Variants in TBC1D2B observed in about 807,000 individuals in gnomAD.
TBC1D2B encodes TBC1 domain family, member 2B.
A neutral mutation model predicts 100.8 loss-of-function variants in TBC1D2B; 64 were observed. The observed-to-expected ratio is 0.64, with a 90% CI of 0.52 to 0.78. TBC1D2B has a LOEUF of 0.78. Among genes scored for constraint, TBC1D2B ranks in the 30% least tolerant of loss-of-function variants. The probability of loss-of-function intolerance (pLI) is 0.00; values close to 1 mark genes in which losing one functional copy is unlikely to be tolerated. For missense variants in TBC1D2B, 1,052 were observed against 1,218.4 expected (o/e 0.86, Z 2.03); for synonymous variants, 480 against 479.7 (o/e 1.00, Z -0.01).
intron 3 of TBC1D2B, chr15:78,034,669 C>T (rs1164834902): frequency 1.0e-6 from 1 of 985,404 alleles, no homozygotes; most frequent in Non-Finnish European, 1.2e-6. Context: ...AAGCCTGAGT[C>T]GTACGCTGCC....
At chr15:78,053,813 C>A (rs191785022) in intron 2 of TBC1D2B, 114 of 482,724 alleles carry the variant, frequency 2.4e-4, no homozygotes, top group African/African-American at 2.1e-3. Flanking sequence ...TCGTATCTTC[C>A]ATATGCTTGG....
At chr15:78,022,508 C>A (rs2072540005) in intron 6 of TBC1D2B, among the ~76,000 whole-genome samples, 1 of 151,978 alleles carries the variant, frequency 6.6e-6, no homozygotes, top group Non-Finnish European at 1.5e-5. Context: ...CTAACCAAGA[C>A]CTCTTATTAA....
intron 1 of TBC1D2B, among the ~76,000 whole-genome samples, chr15:78,066,338 A>G (rs750034294): frequency 5.2e-4 from 79 of 152,204 alleles, no homozygotes; most frequent in Non-Finnish European, 1.0e-3. Flanking sequence ...CAGTTTAGTT[A>G]TTTCTAGTCC....
Position 78,024,149 on chromosome 15 carries a change from CT to C in TBC1D2B, c.1470+6del. The stretch of plus-strand genomic sequence containing the variant: ...GCCAATCACCAGAGCCCCTGCCCCA[CT>C]CTTACTTTCAGCCTGTCCAGTTCCA... On this transcript the variant is annotated splice_donor_region_variant and intron_variant, in intron 6 of 12. Transcript: ENST00000300584. 1 of 1,604,768 alleles carries C rather than the reference CT, an allele frequency of 6.2e-7. No individual in the cohort carries two copies.
At chr15:78,025,056 T>G (rs1352622116) in intron 5 of TBC1D2B, among the ~76,000 whole-genome samples, 1 of 152,100 alleles carries the variant, frequency 6.6e-6, no homozygotes, top group Non-Finnish European at 1.5e-5. Context: ...TCCTTGCAAA[T>G]GCAAACACCT....
chr15:78,012,672 T>G, intron 9 of TBC1D2B, 151 bp downstream of exon 9: 1 of 668,178 alleles, frequency 1.5e-6, no homozygotes, highest in Non-Finnish European at 2.2e-6. Flanking sequence ...CTGGGGATAT[T>G]GTGTAATGAA....
chr15:78,015,507 T>C (rs1230473724), intron 8 of TBC1D2B, among the ~76,000 whole-genome samples: 1 of 152,004 alleles, frequency 6.6e-6, no homozygotes, highest in East Asian at 1.9e-4. Flanking sequence ...ACACAGCACG[T>C]TTAGAAGCGC....
At chr15:78,034,825 T>A in intron 3 of TBC1D2B, 1 of 824,688 alleles carries the variant, frequency 1.2e-6, no homozygotes, top group Non-Finnish European at 1.5e-6. Context: ...TTTTTGCTCT[T>A]ATGTGGCAAA....
intron 1 of TBC1D2B, among the ~76,000 whole-genome samples, chr15:78,069,130 C>A (rs891738412): frequency 6.6e-6 from 1 of 152,202 alleles, no homozygotes; most frequent in Non-Finnish European, 1.5e-5. Context: ...TGGTCCACCC[C>A]CCTCAGACGT....
At chr15:78,029,940 TCCA>T (rs2072766525) in intron 4 of TBC1D2B, 64 bp downstream of exon 4, 1 of 1,347,590 alleles carries the variant, frequency 7.4e-7, no homozygotes, top group Non-Finnish European at 1.0e-6. Flanking sequence ...ATAATGTGTC[TCCA>T]CATCACTGGT....
At chr15:78,048,555 C>T (rs2073247685) in intron 2 of TBC1D2B, among the ~76,000 whole-genome samples, 1 of 152,148 alleles carries the variant, frequency 6.6e-6, no homozygotes, top group Non-Finnish European at 1.5e-5. Flanking sequence ...AGACCTCTGT[C>T]TTTTTTAAAC....
At chr15:78,016,320 C>T (rs527349522) in intron 8 of TBC1D2B, among the ~76,000 whole-genome samples, 9 of 151,348 alleles carry the variant, frequency 5.9e-5, no homozygotes, top group Admixed American at 4.6e-4. Flanking sequence ...CTTACTTACA[C>T]GAAAAATAGG....
chr15:78,061,062 A>G (rs1401374145), intron 1 of TBC1D2B, among the ~76,000 whole-genome samples: 1 of 149,288 alleles, frequency 6.7e-6, no homozygotes, highest in Non-Finnish European at 1.5e-5. Flanking sequence ...CCTGGGCAAT[A>G]TGGTAAAACC....
chr15:78,069,130 C>T (rs891738412), intron 1 of TBC1D2B, among the ~76,000 whole-genome samples: 1 of 152,202 alleles, frequency 6.6e-6, no homozygotes, highest in Admixed American at 6.5e-5. Flanking sequence ...TGGTCCACCC[C>T]CCTCAGACGT....
At chr15:78,016,426 T>C (rs117114880) in intron 8 of TBC1D2B, 120 bp downstream of exon 8, 20,359 of 914,320 alleles carry the variant, frequency 0.022, 339 homozygotes, top group Non-Finnish European at 0.026. Flanking sequence ...TGACAGCATT[T>C]GTCATGAGCA....
At chr15:78,067,584 G>A (rs567337000) in intron 1 of TBC1D2B, among the ~76,000 whole-genome samples, 49 of 152,298 alleles carry the variant, frequency 3.2e-4, no homozygotes, top group African/African-American at 1.1e-3. Context: ...TCCAGGCCAC[G>A]GCCAGGCCTG....
At chr15:78,077,078 G>A (rs1004077270) in intron 1 of TBC1D2B, among the ~76,000 whole-genome samples, 1 of 152,272 alleles carries the variant, frequency 6.6e-6, no homozygotes, top group African/African-American at 2.4e-5. Flanking sequence ...TGAGAAAGGA[G>A]ACGGGGCTTG....
chr15:78,046,935 T>C (rs1596323677), intron 2 of TBC1D2B, among the ~76,000 whole-genome samples: 1 of 152,314 alleles, frequency 6.6e-6, no homozygotes, highest in South Asian at 2.1e-4. Context: ...GGGCCTGCAC[T>C]GTGTAGGCAG....
rs145378509 is a variant in TBC1D2B, at chr15:77,998,288, C to T, written c.2764G>A (p.Ala922Thr). The T allele has an allele frequency of 2.7e-3, 4,296 of 1,605,042 alleles. 5 individuals are homozygous for T. Among genetic ancestry groups the T allele is most frequent in the Non-Finnish European group, 3.0e-3 (3,558 of 1,176,370 alleles). The change falls in exon 13 of 13, where the codon GCC (alanine) becomes ACC (threonine). Residue 922 changes from alanine to threonine, a missense_variant. Around this residue, in one of 4 missense-constraint regions of TBC1D2B, gnomAD observed 47 missense variants for 88.3 expected, o/e 0.53. Coordinates refer to ENST00000300584, the MANE Select transcript of TBC1D2B (RefSeq NM_144572.2). ...AGCCGGACTTTCTCCAAGTGGTAGG[C>T]GCGTCGGTTCCGGATCTGGCGTAGG... ...FPLRQIRNRR[A>T]YHLEKVRLEL...
Sources: allele counts gnomAD v4.1 joint callset (sites outside exome capture counted in the v4.1 genomes callset), GRCh38; gene constraint gnomAD v4.1.1; regional missense constraint gnomAD v4.1.1; transcripts MANE v1.5; gene names NCBI Gene and HGNC (gene_info 2026-07-23, HGNC 2026-07-21).